TBC1D22B: variants seen among roughly 807,000 people sequenced by gnomAD.
The protein encoded by TBC1D22B is chromosome 6 open reading frame 197.
Under a neutral mutation model 69.1 loss-of-function variants are expected in TBC1D22B, and 32 were observed. The ratio of observed to expected loss-of-function variants is 0.46; its 90% CI spans 0.35 to 0.62. The LOEUF (loss-of-function observed/expected upper bound fraction) is 0.62. TBC1D22B is among the 20% of genes least tolerant of loss of function. The probability of loss-of-function intolerance (pLI) is 0.00; values close to 1 mark genes in which losing one functional copy is unlikely to be tolerated. For synonymous variants in TBC1D22B, 206 were observed against 229.8 expected, an observed-to-expected ratio of 0.90 and a Z score of 0.94; for missense variants, 462 against 630.9, an observed-to-expected ratio of 0.73 and a Z score of 2.87.
At chr6:37,303,688 C>G (rs1398977027) in intron 8 of TBC1D22B, among the ~76,000 whole-genome samples, 3 of 152,190 alleles carry the variant, frequency 2.0e-5, no homozygotes, top group African/African-American at 7.2e-5. Context: ...TGCTTCGCCC[C>G]TTAAACTCAA....
At chr6:37,316,075 G>A (rs894430552) in intron 10 of TBC1D22B, among the ~76,000 whole-genome samples, 1 of 152,214 alleles carries the variant, frequency 6.6e-6, no homozygotes, top group Non-Finnish European at 1.5e-5. Flanking sequence ...ATTATTTGGA[G>A]AGCTGTCCTG....
rs1562055893 is a variant in TBC1D22B at position 37,298,543 on chromosome 6, T to TG, written c.982+7186_982+7187insG. Among the ~76,000 whole-genome samples the TG allele has an allele frequency of 8.9e-4, 122 of 136,736 alleles. 1 individual carries two copies. Among genetic ancestry groups the TG allele is most frequent in the African/African-American group, 3.2e-3 (110 of 34,456 alleles). The allele number at this position is 136,736 out of a possible 152,430, so 89.7% of individuals were successfully genotyped here. ...AGAACATTTAAGTTGCCTACAGTTT[T>TG]TTTTTTTTTTTTTTTTTTTTGAGAC... On this transcript the variant is annotated intron_variant, in intron 8 of 12. Coordinates refer to ENST00000373491, the MANE Select transcript of TBC1D22B (RefSeq NM_017772.4).
intron 12 of TBC1D22B, among the ~76,000 whole-genome samples, chr6:37,323,462 C>T (rs1458406362): frequency 2.0e-5 from 3 of 152,028 alleles, no homozygotes; most frequent in Non-Finnish European, 4.4e-5. Context: ...CCAGGGAGGG[C>T]GAGGCTGCAA....
chr6:37,320,052 GA>G (rs1190685278), intron 12 of TBC1D22B, among the ~76,000 whole-genome samples: 2 of 152,232 alleles, frequency 1.3e-5, no homozygotes, highest in African/African-American at 4.8e-5. Context: ...GTGACTCAGA[GA>G]AAAACCAGCT....
chr6:37,310,034 T>A (rs1198790671), intron 8 of TBC1D22B, among the ~76,000 whole-genome samples: 1 of 146,988 alleles, frequency 6.8e-6, no homozygotes, highest in Non-Finnish European at 1.5e-5. Context: ...AAATATAAAA[T>A]TATATTTACA....
chr6:37,279,380 C>T lies in TBC1D22B; in HGVS notation c.190C>T (p.Arg64Trp), dbSNP rs138072978. ...KKASSFHEFA[R>W]NTSDAWDIGD... ...GGCCTCCAGTTTTCATGAGTTTGCACGGAATACCAGTGATGCTTGGGACAT... is the reference window on the plus strand; with the variant it reads ...GGCCTCCAGTTTTCATGAGTTTGCATGGAATACCAGTGATGCTTGGGACAT... The change falls in exon 3 of 13, where the codon CGG becomes TGG. Residue 64 changes from arginine (R) to tryptophan (W), a missense_variant. This residue lies in a region of TBC1D22B where 237 missense variants were observed against 255.4 expected (regional missense o/e 0.93). Transcript: ENST00000373491. 44 of 1,614,150 alleles carry T rather than the reference C, an allele frequency of 2.7e-5. No homozygotes were observed. The highest frequency in any genetic ancestry group is 4.4e-5 in the South Asian group (4 of 91,080).
At chr6:37,315,048 T>A (rs1468356275) in intron 10 of TBC1D22B, among the ~76,000 whole-genome samples, 1 of 151,946 alleles carries the variant, frequency 6.6e-6, no homozygotes, top group Admixed American at 6.6e-5. Flanking sequence ...TAGCACAGAG[T>A]GTATGCTGCC....
chr6:37,330,912 G>A (rs1271905028), intron 12 of TBC1D22B, 132 bp from the exon 13 acceptor site: 3 of 875,496 alleles, frequency 3.4e-6, no homozygotes, highest in Admixed American at 2.1e-5. Context: ...TGGGAGGAAG[G>A]AGGCTGGACT....
At position 37,332,572 on chromosome 6, in the gene TBC1D22B, T is replaced by C. The variant is rs1301570081; in HGVS notation, c.*1400T>C. The stretch of plus-strand genomic sequence containing the variant: ...TTCACTCCCCACACAGCTCATGAGA[T>C]GTGTGACCCCTGTTTGAGTTTTGGT... On this transcript the variant is annotated 3_prime_UTR_variant, in exon 13 of 13. Coordinates refer to ENST00000373491, the MANE Select transcript of TBC1D22B (RefSeq NM_017772.4). 6.6e-6 allele frequency: 1 copy of C among 151,104 alleles called. No individual in the cohort carries two copies. The highest frequency in any genetic ancestry group is 6.6e-5 in the Admixed American group (1 of 15,070). The allele number at this position is 151,104 out of a possible 1,614,324, so 9.4% of individuals were successfully genotyped here.
At chr6:37,281,566 A>G (rs1409774101) in intron 3 of TBC1D22B, among the ~76,000 whole-genome samples, 1 of 152,232 alleles carries the variant, frequency 6.6e-6, no homozygotes, top group Non-Finnish European at 1.5e-5. Context: ...TGCAGGGCAC[A>G]CTGGTGGGCC....
intron 12 of TBC1D22B, among the ~76,000 whole-genome samples, chr6:37,322,030 A>G (rs139426170): frequency 0.011 from 1,750 of 152,296 alleles, 28 homozygotes; most frequent in Middle Eastern, 0.044. Context: ...AAATAGACAA[A>G]TAGATGTTTT....
chr6:37,262,658 G>C (rs1249340284), intron 1 of TBC1D22B, among the ~76,000 whole-genome samples: 1 of 152,202 alleles, frequency 6.6e-6, no homozygotes, highest in Non-Finnish European at 1.5e-5. Flanking sequence ...ATGTTTTACT[G>C]GTAGAGTGAG....
intron 12 of TBC1D22B, among the ~76,000 whole-genome samples, chr6:37,328,255 A>G (rs569211833): frequency 4.6e-5 from 7 of 152,246 alleles, no homozygotes; most frequent in South Asian, 2.1e-4. Flanking sequence ...CGGTGAACTG[A>G]GATTGTGCCA....
At chr6:37,287,183 T>C (rs1053815823) in intron 7 of TBC1D22B, 111 bp downstream of exon 7, 3 of 774,004 alleles carry the variant, frequency 3.9e-6, no homozygotes, top group Non-Finnish European at 4.1e-6. Flanking sequence ...ATATGCAGCT[T>C]TGGTTCCTTC....
At chr6:37,286,476 C>T (rs943539256) in intron 6 of TBC1D22B, among the ~76,000 whole-genome samples, 7 of 151,866 alleles carry the variant, frequency 4.6e-5, no homozygotes, top group East Asian at 2.0e-4. Context: ...CCACCACGCC[C>T]GGCTAATTTT....
chr6:37,257,805 G>A lies in TBC1D22B; in HGVS notation c.-113G>A, dbSNP rs1395868956. The A allele has an allele frequency of 1.7e-5, 20 of 1,179,902 alleles. No individual in the cohort carries two copies. The highest frequency in any genetic ancestry group is 2.4e-5 in the Non-Finnish European group (20 of 829,058). The allele number at this position is 1,179,902 out of a possible 1,614,324, so 73.1% of individuals were successfully genotyped here. A position where few individuals can be genotyped will look rare whatever the true frequency, so the allele number is the denominator to read the frequency against. On this transcript the variant is annotated 5_prime_UTR_variant, in exon 1 of 13. Coordinates refer to ENST00000373491, the MANE Select transcript of TBC1D22B (RefSeq NM_017772.4). ...GATGGCGTCCCCAGGAGCTGGGAGC[G>A]GGTGACCGGCGGCGGGGAAGCGGCC...
In TBC1D22B at chr6:37,271,486, G is replaced by A. The variant is rs148123548; in HGVS notation, c.113+1836G>A. 4.0e-3 allele frequency among the ~76,000 whole-genome samples: 606 copies of A among 152,248 alleles called. 4 individuals are homozygous for A. The highest frequency in any genetic ancestry group is 0.013 in the African/African-American group (529 of 41,530). ...GTAACAAATGTACCACTGTGGTGGC[G>A]GATGTTCATAATGGAGAGGCTGTGC... is the stretch of plus-strand genomic sequence containing the variant. On this transcript the variant is annotated intron_variant, in intron 2 of 12. Transcript: ENST00000373491.
At chr6:37,285,649 C>T (rs1335841700) in intron 6 of TBC1D22B, among the ~76,000 whole-genome samples, 1 of 152,206 alleles carries the variant, frequency 6.6e-6, no homozygotes, top group Non-Finnish European at 1.5e-5. Flanking sequence ...CACACCACCA[C>T]ACCCAGCTAA....
At chr6:37,294,125 T>C (rs1293109255) in intron 8 of TBC1D22B, among the ~76,000 whole-genome samples, 1 of 152,190 alleles carries the variant, frequency 6.6e-6, no homozygotes, top group African/African-American at 2.4e-5. Context: ...ATGAAGGCGG[T>C]ACACTAAACA....
Sources: allele counts gnomAD v4.1 joint callset (sites outside exome capture counted in the v4.1 genomes callset), GRCh38; gene constraint gnomAD v4.1.1; regional missense constraint gnomAD v4.1.1; transcripts MANE v1.5; gene names NCBI Gene and HGNC (gene_info 2026-07-23, HGNC 2026-07-21).